Variants in FGF23 observed in about 807,000 individuals in gnomAD.
FGF23 encodes fibroblast growth factor 23, also known as phosphatonin.
A neutral mutation model predicts 9.0 loss-of-function variants in FGF23; 8 were observed. The observed-to-expected ratio is 0.89, with a 90% confidence interval of 0.52 to 1.60. FGF23 has a LOEUF of 1.60. FGF23 is among the 40% of genes most tolerant of loss of function. The pLI is 0.00. For missense variants in FGF23, 311 were observed against 344.3 expected, an observed-to-expected ratio of 0.90 and a Z score of 0.77; for synonymous variants, 118 against 146.2, an observed-to-expected ratio of 0.81 and a Z score of 1.39.
chr12:4,376,585 G>A lies in FGF23; in HGVS notation c.211+2787C>T, dbSNP rs562674456. On this transcript the variant is annotated intron_variant, in intron 1 of 2. Coordinates refer to ENST00000237837, the MANE Select transcript of FGF23 (RefSeq NM_020638.3). ...CACCCAGGCTGGAGCACAGTGGTGC[G>A]ATCTCAGCTCACTGCAAGCTCCACC... Among the ~76,000 whole-genome samples the A allele has an allele frequency of 7.2e-5, 11 of 151,916 alleles. No homozygotes were observed. The South Asian group carries it at 1.5e-3, about 20-fold the overall frequency.
At chr12:4,374,867 A>C (rs1865101356) in intron 1 of FGF23, among the ~76,000 whole-genome samples, 1 of 152,216 alleles carries the variant, frequency 6.6e-6, no homozygotes, top group Non-Finnish European at 1.5e-5. Context: ...AAACTAAGAC[A>C]GGATTGAAAC....
chr12:4,372,549 G>T, intron 2 of FGF23, 45 bp downstream of exon 2: 1 of 1,171,860 alleles, frequency 8.5e-7, no homozygotes, highest in Non-Finnish European at 1.3e-6. Flanking sequence ...AAAGAAATTA[G>T]GTTAATTGTT....
chr12:4,374,492 C>CA (rs543514926), intron 1 of FGF23, among the ~76,000 whole-genome samples: 13 of 151,594 alleles, frequency 8.6e-5, no homozygotes, highest in South Asian at 2.1e-4. Flanking sequence ...TACTAAAATA[C>CA]AAAAAAAATT....
At chr12:4,373,486 G>A (rs148046577) in intron 1 of FGF23, among the ~76,000 whole-genome samples, 11 of 152,212 alleles carry the variant, frequency 7.2e-5, no homozygotes, top group Non-Finnish European at 1.3e-4. Context: ...TATAAGTGAC[G>A]GATGGAATTT....
rs7302031 is a variant in FGF23, at chr12:4,372,935, G to A, written c.212-238C>T. ...TGCTTCATCTTGTTGCCTGTATGGG[G>A]CACTCTGAGCTCCTGGAATTCTTCT... On this transcript the variant is annotated intron_variant, in intron 1 of 2. Transcript: ENST00000237837. Among the ~76,000 whole-genome samples the A allele has an allele frequency of 0.028, 4,275 of 152,208 alleles. 234 individuals are homozygous for A. Among genetic ancestry groups the A allele is most frequent in the African/African-American group, 0.097 (4,014 of 41,506 alleles).
intron 1 of FGF23, among the ~76,000 whole-genome samples, chr12:4,378,732 GGATGGA>G (rs1213700494): frequency 7.1e-6 from 1 of 140,796 alleles, no homozygotes; most frequent in Non-Finnish European, 1.5e-5. Context: ...TTGGATGGAT[GGATGGA>G]TGGATGGATG....
At chr12:4,370,829 C>T in intron 2 of FGF23, 46 bp from the exon 3 acceptor site, 2 of 1,512,814 alleles carry the variant, frequency 1.3e-6, no homozygotes, top group East Asian at 2.3e-5. Context: ...AGTGGGGGCC[C>T]CACCCACTCC....
At chr12:4,378,903 C>A (rs1419183184) in intron 1 of FGF23, among the ~76,000 whole-genome samples, 1 of 152,122 alleles carries the variant, frequency 6.6e-6, no homozygotes, top group Admixed American at 6.5e-5. Context: ...GAAAGAGCCC[C>A]CAGATTTATC....
Position 4,379,585 on chromosome 12 carries a change from T to C in FGF23, c.-3A>G. 6.3e-7 allele frequency: 1 copy of C among 1,591,512 alleles called. No homozygotes were observed. The highest frequency in any genetic ancestry group is 8.5e-7 in the Non-Finnish European group (1 of 1,171,638). On this transcript the variant is annotated 5_prime_UTR_variant, in exon 1 of 3. Coordinates refer to ENST00000237837, the MANE Select transcript of FGF23 (RefSeq NM_020638.3). ...AGCCTGAGGCGGGCCCCCAACATCG[T>C]GCCCTGCTCTGAGTGGCTGGTGCTG...
rs187712708 is a variant in FGF23 at position 4,378,415 on chromosome 12, T to C, written c.211+957A>G. ...GTATGCTTTGAGGTGTTTTCTCACG[T>C]TTTCTTAAAATAGAAGATCCAGTCT... On this transcript the variant is annotated intron_variant, in intron 1 of 2. Transcript: ENST00000237837. Among the ~76,000 whole-genome samples, 148 of 152,336 alleles carry C rather than the reference T, an allele frequency of 9.7e-4. 1 individual carries two copies. The highest frequency in any genetic ancestry group is 3.3e-3 in the African/African-American group (139 of 41,566).
chr12:4,379,601 G>T lies in FGF23; in HGVS notation c.-19C>A. 6.4e-7 allele frequency: 1 copy of T among 1,570,518 alleles called. No individual in the cohort carries two copies. Among genetic ancestry groups the T allele is most frequent in the Non-Finnish European group, 8.6e-7 (1 of 1,160,592 alleles). On this transcript the variant is annotated 5_prime_UTR_variant, in exon 1 of 3. Transcript: ENST00000237837. ...CCAACATCGTGCCCTGCTCTGAGTG[G>T]CTGGTGCTGAGATTGAAACCTGACA...
At chr12:4,372,545 A>G (rs1182182827) in intron 2 of FGF23, 49 bp downstream of exon 2, 2 of 1,155,184 alleles carry the variant, frequency 1.7e-6, no homozygotes, top group Admixed American at 3.4e-5. Context: ...TGTCAAAGAA[A>G]TTAGGTTAAT....
intron 1 of FGF23, among the ~76,000 whole-genome samples, chr12:4,375,435 T>C (rs1865107360): frequency 6.6e-6 from 1 of 152,210 alleles, no homozygotes; most frequent in South Asian, 2.1e-4. Context: ...TGAGCCAATG[T>C]GAAAGTTTAG....
At position 4,370,329 on chromosome 12, in the gene FGF23, C is replaced by T; in HGVS notation, c.*14G>A. 1.2e-6 allele frequency: 2 copies of T among 1,610,676 alleles called. No homozygotes were observed. Among genetic ancestry groups the T allele is most frequent in the Non-Finnish European group, 1.7e-6 (2 of 1,178,584 alleles). ...GCTGAGGGATGGGTTAAAGAGGGTG[C>T]CCTTCCAGCGACCCTAGATGAACTT... On this transcript the variant is annotated 3_prime_UTR_variant, in exon 3 of 3. Transcript: ENST00000237837.
rs926285370 is a variant in FGF23, at chr12:4,369,757, C to G, written c.*586G>C. 1 of 229,536 alleles carries G rather than the reference C, an allele frequency of 4.4e-6. No homozygotes were observed. Among genetic ancestry groups the G allele is most frequent in the African/African-American group, 2.2e-5 (1 of 45,146 alleles). The allele number at this position is 229,536 out of a possible 1,614,324, so 14.2% of individuals were successfully genotyped here. On this transcript the variant is annotated 3_prime_UTR_variant, in exon 3 of 3. Transcript: ENST00000237837. ...CAGCCTACCACCAGTCTTTTGACAG[C>G]TCTTCCCCAGAGATGCTCAAGGAAG...
intron 1 of FGF23, among the ~76,000 whole-genome samples, chr12:4,373,243 G>A (rs1865082463): frequency 6.6e-6 from 1 of 152,112 alleles, no homozygotes; most frequent in South Asian, 2.1e-4. Context: ...TCTACTTATT[G>A]AAGTCACTCA....
chr12:4,374,868 G>A (rs1865101381), intron 1 of FGF23, among the ~76,000 whole-genome samples: 1 of 152,132 alleles, frequency 6.6e-6, no homozygotes, highest in Non-Finnish European at 1.5e-5. Context: ...AACTAAGACA[G>A]GATTGAAACT....
intron 1 of FGF23, among the ~76,000 whole-genome samples, chr12:4,375,958 A>C (rs920051581): frequency 6.6e-6 from 1 of 152,222 alleles, no homozygotes; most frequent in African/African-American, 2.4e-5. Context: ...ATAGCAGTGA[A>C]GTGCTTTGAG....
rs1266080778 is a variant in FGF23, at chr12:4,368,337, C to CTT, written c.*2004_*2005dup. Reference sequence around the variant, plus strand: ...TTTGAAAATTTTAAAATTCTAAAATCTTTTTTTCAATTTTGCCTTCTCTGG... The same window carrying CTT: ...TTTGAAAATTTTAAAATTCTAAAATCTTTTTTTTTCAATTTTGCCTTCTCTGG... On this transcript the variant is annotated 3_prime_UTR_variant, in exon 3 of 3. Transcript: ENST00000237837. 21 of 178,532 alleles carry CTT rather than the reference C, an allele frequency of 1.2e-4. No individual in the cohort carries two copies. The East Asian group carries it at 1.8e-3, about 15-fold the overall frequency. The allele number at this position is 178,532 out of a possible 1,614,324, so 11.1% of individuals were successfully genotyped here. A position where few individuals can be genotyped will look rare whatever the true frequency, so the allele number is the denominator to read the frequency against.
Sources: gnomAD v4.1 joint callset for allele counts (sites outside exome capture counted in the v4.1 genomes callset) on GRCh38, gnomAD v4.1.1 for gene constraint, MANE v1.5 for transcripts, NCBI Gene and HGNC (gene_info 2026-07-23, HGNC 2026-07-21) for gene names.